PCBP2: variants seen among roughly 807,000 people sequenced by gnomAD.
The protein encoded by PCBP2 is poly(rC)-binding protein 2.
A neutral mutation model predicts 50.1 loss-of-function variants in PCBP2; 4 were observed. That is an observed-to-expected ratio of 0.08 (90% CI 0.04 to 0.18). The LOEUF (loss-of-function observed/expected upper bound fraction) is 0.18. Ranked by LOEUF, PCBP2 falls within the 10% of genes least tolerant of loss-of-function variation. PCBP2 has a pLI of 1.00. For synonymous variants in PCBP2, 179 were observed against 168.0 expected (o/e 1.07, Z -0.51); for missense variants, 161 against 474.3 (o/e 0.34, Z 6.14).
At position 53,472,274 on chromosome 12, in the gene PCBP2, A is replaced by G. The variant is rs116894260; in HGVS notation, c.1052+467A>G. ...ATTACCATTTATTCTGGAAACACCC[A>G]TTTTTCTCACACTGCATGTGTGTTT... On this transcript the variant is annotated intron_variant, in intron 14 of 14. Coordinates refer to ENST00000546463, the MANE Select transcript of PCBP2 (RefSeq NM_031989.5). Among the ~76,000 whole-genome samples the G allele has an allele frequency of 2.3e-4, 35 of 152,192 alleles. No individual in the cohort carries two copies. The East Asian group carries it at 4.6e-3, about 20-fold the overall frequency.
At chr12:53,471,577 A>G (rs532026233) in intron 13 of PCBP2, 61 bp from the exon 14 acceptor site, 21,271 of 1,385,336 alleles carry the variant, frequency 0.015, 180 homozygotes, top group Non-Finnish European at 0.017. Flanking sequence ...GGGGGGTGGG[A>G]TTCTTAGACC....
At chr12:53,460,057 GC>G (rs1941342986) in intron 6 of PCBP2, 1 of 228,022 alleles carries the variant, frequency 4.4e-6, no homozygotes, top group African/African-American at 2.3e-5. Flanking sequence ...ACACTTGCTT[GC>G]CTGCAGCGTC....
At chr12:53,474,826 TCCA>T in intron 14 of PCBP2, 1 of 366,178 alleles carries the variant, frequency 2.7e-6, no homozygotes, top group Non-Finnish European at 5.5e-6. Context: ...GGTCTTCCCT[TCCA>T]CCCACCCTTT....
intron 12 of PCBP2, 129 bp downstream of exon 12, chr12:53,467,972 A>G: frequency 1.3e-6 from 1 of 784,466 alleles, no homozygotes; most frequent in Non-Finnish European, 2.1e-6. Context: ...GAGAGAGCAA[A>G]GGGGTGGGCC....
In PCBP2 at chr12:53,455,625, T is replaced by C. The variant is rs1282766538; in HGVS notation, c.126+132T>C. The C allele has an allele frequency of 8.3e-6, 8 of 963,954 alleles. No homozygotes were observed. In the East Asian group the frequency reaches 1.5e-4, roughly 19 times the overall value. 59.7% of individuals were successfully genotyped at this position (963,954 alleles called of 1,614,324 possible). ...TATTTTTTTTCGGCTTGGTTATTTG[T>C]AGTGATAATCTGGGGAGTGTATTTT... On this transcript the variant is annotated intron_variant, in intron 4 of 14. Transcript: ENST00000546463.
chr12:53,464,315 TC>T (rs1442081450), intron 8 of PCBP2, among the ~76,000 whole-genome samples: 2 of 31,296 alleles, frequency 6.4e-5, no homozygotes, highest in Admixed American at 6.7e-4. Flanking sequence ...CTACCCACCC[TC>T]CCTCCCTCCC....
At chr12:53,455,660 C>G (rs1310575895) in intron 4 of PCBP2, among the ~76,000 whole-genome samples, 167 bp downstream of exon 4, 3 of 150,684 alleles carry the variant, frequency 2.0e-5, no homozygotes, top group Non-Finnish European at 3.0e-5. Flanking sequence ...TTTTTTTCCC[C>G]TTTTTGGGAA....
At chr12:53,471,215 T>C (rs1443219732) in intron 13 of PCBP2, among the ~76,000 whole-genome samples, 1 of 151,370 alleles carries the variant, frequency 6.6e-6, no homozygotes, top group Non-Finnish European at 1.5e-5. Context: ...GAGGCTGAGA[T>C]TCGAAAATGG....
chr12:53,479,517 A>G lies in PCBP2; in HGVS notation c.*75A>G. The stretch of plus-strand genomic sequence containing the variant: ...TGATCCATCTGTGTAGTTTCTGAAC[A>G]GTCAGCGATTCCAGGTTTTAAATAG... On this transcript the variant is annotated 3_prime_UTR_variant, in exon 15 of 15. Transcript: ENST00000546463. The G allele has an allele frequency of 2.3e-6, 3 of 1,290,698 alleles. No individual in the cohort carries two copies. The highest frequency in any genetic ancestry group is 2.2e-6 in the Non-Finnish European group (2 of 891,052). 80.0% of individuals were successfully genotyped at this position (1,290,698 alleles called of 1,614,324 possible).
intron 5 of PCBP2, among the ~76,000 whole-genome samples, chr12:53,457,951 G>A (rs371136914): frequency 3.9e-5 from 6 of 152,086 alleles, no homozygotes; most frequent in South Asian, 2.1e-4. Flanking sequence ...GTTTTGAGAC[G>A]GAGTTTCCTC....
At chr12:53,477,935 A>G in intron 14 of PCBP2, among the ~76,000 whole-genome samples, 1 of 152,222 alleles carries the variant, frequency 6.6e-6, no homozygotes, top group East Asian at 1.9e-4. Context: ...ATGAACTGAA[A>G]TGAAGTCTTA....
In PCBP2 at chr12:53,455,358, T is replaced by C; in HGVS notation, c.81T>C (p.Ser27=). Residue 27 remains serine, a synonymous_variant, in exon 3 of 15, where the codon AGT becomes AGC. Transcript: ENST00000546463. ...RLLMHGKEVG[S]IIGKKGESVK... ...TTTCTCCATTGCAGGAAGTTGGCAG[T>C]ATCATCGGAAAGGTAAGACAATTTC... is the stretch of plus-strand genomic sequence containing the variant. The C allele has an allele frequency of 6.2e-7, 1 of 1,614,002 alleles. No individual in the cohort carries two copies.
At chr12:53,471,924 GTTT>G (rs377649740) in intron 14 of PCBP2, 117 bp downstream of exon 14, 218 of 436,588 alleles carry the variant, frequency 5.0e-4, no homozygotes, top group Middle Eastern at 7.6e-4. Flanking sequence ...TGGCCAAAAG[GTTT>G]TTTTTTTTTT....
At chr12:53,453,711 G>A (rs952071119) in intron 1 of PCBP2, among the ~76,000 whole-genome samples, 1 of 152,170 alleles carries the variant, frequency 6.6e-6, no homozygotes, top group Non-Finnish European at 1.5e-5. Flanking sequence ...CTTGGGAGAG[G>A]TCCTTTCTAA....
chr12:53,460,554 T>A (rs375594722), intron 6 of PCBP2: 2 of 204,758 alleles, frequency 9.8e-6, no homozygotes, highest in African/African-American at 4.7e-5. Flanking sequence ...GCTGCTTGAG[T>A]TTTTGGGAGC....
chr12:53,474,732 G>C (rs1942457179), intron 14 of PCBP2: 1 of 329,646 alleles, frequency 3.0e-6, no homozygotes, highest in African/African-American at 2.2e-5. Context: ...GTCACAAGTT[G>C]ACACTAGGTC....
chr12:53,471,034 C>T (rs1348766834), intron 13 of PCBP2, among the ~76,000 whole-genome samples: 1 of 152,022 alleles, frequency 6.6e-6, no homozygotes, highest in Non-Finnish European at 1.5e-5. Flanking sequence ...ACCTAAAAGA[C>T]AGTTCTGAGT....
intron 8 of PCBP2, among the ~76,000 whole-genome samples, chr12:53,463,650 G>T (rs1026709977): frequency 2.0e-5 from 3 of 152,098 alleles, no homozygotes; most frequent in African/African-American, 4.8e-5. Context: ...TTCTATGGGG[G>T]GAATCCTAGG....
At chr12:53,468,623 C>T (rs1941982514) in intron 12 of PCBP2, 154 bp from the exon 13 acceptor site, 6 of 655,286 alleles carry the variant, frequency 9.2e-6, no homozygotes, top group Non-Finnish European at 1.4e-5. Flanking sequence ...TTCTCCCCCA[C>T]TCTTTCCTCT....
Sources: allele counts gnomAD v4.1 joint callset (sites outside exome capture counted in the v4.1 genomes callset), GRCh38; gene constraint gnomAD v4.1.1; transcripts MANE v1.5; gene names NCBI Gene and HGNC (gene_info 2026-07-23, HGNC 2026-07-21).